EPHA3: variants seen among roughly 807,000 people sequenced by gnomAD.
EPHA3 encodes EPH receptor A3.
Under a neutral mutation model 107.1 loss-of-function variants are expected in EPHA3, and 42 were observed. The observed-to-expected ratio is 0.39, with a 90% CI of 0.31 to 0.51. The LOEUF is 0.51. Among genes scored for constraint, EPHA3 ranks in the 20% least tolerant of loss-of-function variants. The pLI, the probability that EPHA3 is intolerant of heterozygous loss-of-function variation, is 0.78. For synonymous variants in EPHA3, 461 were observed against 424.8 expected (o/e 1.09, Z -1.05); for missense variants, 1,183 against 1,211.2 (o/e 0.98, Z 0.35).
chr3:89,411,591 C>A (rs537928544), intron 9 of EPHA3, among the ~76,000 whole-genome samples: 2 of 152,006 alleles, frequency 1.3e-5, no homozygotes, highest in South Asian at 2.1e-4. Flanking sequence ...CTCACACTTA[C>A]GTTTTTTTAC....
chr3:89,430,312 C>A (rs185493234), intron 12 of EPHA3, among the ~76,000 whole-genome samples: 106 of 152,090 alleles, frequency 7.0e-4, no homozygotes, highest in African/African-American at 2.2e-3. Flanking sequence ...CATTCATAAT[C>A]ATGGAGGAAA....
At chr3:89,190,968 G>C (rs1339545947) in intron 2 of EPHA3, among the ~76,000 whole-genome samples, 1 of 152,124 alleles carries the variant, frequency 6.6e-6, no homozygotes, top group African/African-American at 2.4e-5. Context: ...GATCCTGAGG[G>C]TTAGAACTTC....
At chr3:89,400,199 T>TC in intron 7 of EPHA3, 1 of 470,474 alleles carries the variant, frequency 2.1e-6, no homozygotes, top group Non-Finnish European at 2.8e-6. Flanking sequence ...TTTCTTTTTT[T>TC]TTTTTTTTTT....
At chr3:89,147,248 C>T (rs2107032605) in intron 2 of EPHA3, among the ~76,000 whole-genome samples, 1 of 151,622 alleles carries the variant, frequency 6.6e-6, no homozygotes, top group South Asian at 2.1e-4. Context: ...GGCTTAAAAC[C>T]TAGATGATGG....
intron 3 of EPHA3, among the ~76,000 whole-genome samples, chr3:89,327,861 G>T (rs1299648189): frequency 6.6e-6 from 1 of 152,064 alleles, no homozygotes; most frequent in Non-Finnish European, 1.5e-5. Context: ...AACTTGGGAG[G>T]CTGAGGCGCA....
intron 7 of EPHA3, among the ~76,000 whole-genome samples, chr3:89,406,187 GAGA>G (rs926233006): frequency 3.9e-5 from 6 of 152,182 alleles, no homozygotes; most frequent in African/African-American, 1.2e-4. Flanking sequence ...AGATGGAGAG[GAGA>G]AGGTTATTTT....
At chr3:89,283,603 G>C (rs551368950) in intron 3 of EPHA3, among the ~76,000 whole-genome samples, 4 of 152,068 alleles carry the variant, frequency 2.6e-5, no homozygotes, top group African/African-American at 9.7e-5. Context: ...AGTGAAATGA[G>C]AGCAGAAGCA....
At chr3:89,328,242 T>A (rs1407378731) in intron 3 of EPHA3, among the ~76,000 whole-genome samples, 1 of 152,178 alleles carries the variant, frequency 6.6e-6, no homozygotes, top group African/African-American at 2.4e-5. Context: ...CCAATAAAGT[T>A]CCGTGTTTCG....
chr3:89,199,523 TA>T (rs201266389), intron 2 of EPHA3, among the ~76,000 whole-genome samples: 27 of 152,174 alleles, frequency 1.8e-4, no homozygotes, highest in Non-Finnish European at 3.5e-4. Context: ...GCATAACATA[TA>T]TCTGTTTCGA....
chr3:89,251,887 G>A (rs1705174157), intron 3 of EPHA3, among the ~76,000 whole-genome samples: 1 of 151,868 alleles, frequency 6.6e-6, no homozygotes, highest in African/African-American at 2.4e-5. Flanking sequence ...AGTATTTCAG[G>A]CCATCTCTAT....
chr3:89,108,135 A>C (rs1707017485), intron 1 of EPHA3, among the ~76,000 whole-genome samples: 1 of 152,174 alleles, frequency 6.6e-6, no homozygotes. Context: ...GTTGCAACCC[A>C]GTTATGTTAA....
chr3:89,122,514 A>G (rs913650095), intron 1 of EPHA3, among the ~76,000 whole-genome samples: 6 of 152,220 alleles, frequency 3.9e-5, no homozygotes, highest in Non-Finnish European at 7.4e-5. Context: ...TGGGTGTATT[A>G]TTAGGTAATT....
intron 2 of EPHA3, among the ~76,000 whole-genome samples, chr3:89,187,938 T>A (rs1255531370): frequency 6.6e-6 from 1 of 152,166 alleles, no homozygotes; most frequent in Non-Finnish European, 1.5e-5. Flanking sequence ...CCTGCTTTCT[T>A]TGACAATTCT....
At chr3:89,193,153 T>C (rs1181805125) in intron 2 of EPHA3, among the ~76,000 whole-genome samples, 1 of 152,110 alleles carries the variant, frequency 6.6e-6, no homozygotes, top group Non-Finnish European at 1.5e-5. Flanking sequence ...ATCTTCTCTT[T>C]ATGTAGGCCA....
At chr3:89,233,146 T>G (rs1410507259) in intron 3 of EPHA3, among the ~76,000 whole-genome samples, 1 of 152,232 alleles carries the variant, frequency 6.6e-6, no homozygotes, top group East Asian at 1.9e-4. Context: ...AATAGCTTTT[T>G]GTCCAGAGTA....
chr3:89,268,262 G>A (rs532621533), intron 3 of EPHA3, among the ~76,000 whole-genome samples: 1 of 152,056 alleles, frequency 6.6e-6, no homozygotes, highest in Non-Finnish European at 1.5e-5. Context: ...CTGACACTTA[G>A]TCTACTAAAC....
rs1435260791 is a variant in EPHA3, at chr3:89,466,493, C to A, written c.2691-5971C>A. Among the ~76,000 whole-genome samples, 7 of 133,336 alleles carry A rather than the reference C, an allele frequency of 5.2e-5. 1 individual carries two copies. The South Asian group carries it at 1.3e-3, about 25-fold the overall frequency. 87.5% of individuals were successfully genotyped at this position (133,336 alleles called of 152,430 possible). On this transcript the variant is annotated intron_variant, in intron 15 of 16. Coordinates refer to ENST00000336596, the MANE Select transcript of EPHA3 (RefSeq NM_005233.6). ...CTAGCAATCAGCGAGACTCCGTGGG[C>A]GTAGGACCCTCCGAGCCAGGTGTGG...
At chr3:89,453,372 A>T (rs1710033534) in intron 15 of EPHA3, among the ~76,000 whole-genome samples, 1 of 152,194 alleles carries the variant, frequency 6.6e-6, no homozygotes, top group South Asian at 2.1e-4. Flanking sequence ...TAGCATCCAA[A>T]TTTTAACATA....
rs528927729 is a variant in EPHA3 at position 89,268,088 on chromosome 3, TAAGAAA to T, written c.814+57571_814+57576del. On this transcript the variant is annotated intron_variant, in intron 3 of 16. Coordinates refer to ENST00000336596, the MANE Select transcript of EPHA3 (RefSeq NM_005233.6). The stretch of plus-strand genomic sequence containing the variant: ...CTAGGATGGGCTTACTGATATAGGT[TAAGAAA>T]AATTATGAAGTTAATTACTTGTGGT... Among the ~76,000 whole-genome samples, 803 of 152,252 alleles carry T rather than the reference TAAGAAA, an allele frequency of 5.3e-3. 6 individuals are homozygous for T. The highest frequency in any genetic ancestry group is 0.016 in the African/African-American group (666 of 41,552).
Sources: allele counts gnomAD v4.1 joint callset (sites outside exome capture counted in the v4.1 genomes callset), GRCh38; gene constraint gnomAD v4.1.1; transcripts MANE v1.5; gene names NCBI Gene and HGNC (gene_info 2026-07-23, HGNC 2026-07-21).